NPL: variants seen among roughly 807,000 people sequenced by gnomAD.
The protein encoded by NPL is N-acetylneuraminate lyase.
NPL carries 32 observed loss-of-function variants against 41.1 expected under a neutral mutation model. The observed-to-expected ratio is 0.78, with a 90% CI of 0.59 to 1.05. The LOEUF (loss-of-function observed/expected upper bound fraction) is 1.05, where lower values mean the gene tolerates loss of function less well. NPL is among the 50% of genes least tolerant of loss of function. The pLI, the probability that NPL is intolerant of heterozygous loss-of-function variation, is 0.00. For synonymous variants in NPL, 128 were observed against 134.9 expected, an observed-to-expected ratio of 0.95 and a Z score of 0.35; for missense variants, 321 against 378.4, an observed-to-expected ratio of 0.85 and a Z score of 1.26.
chr1:182,792,776 G>A (rs1322669628), intron 2 of NPL, among the ~76,000 whole-genome samples: 1 of 152,216 alleles, frequency 6.6e-6, no homozygotes, highest in African/African-American at 2.4e-5. Flanking sequence ...GTATCGTGTT[G>A]TCTTTCTACT....
chr1:182,825,653 A>G, intron 11 of NPL, 128 bp from the exon 12 acceptor site: 1 of 710,676 alleles, frequency 1.4e-6, no homozygotes, highest in Non-Finnish European at 2.5e-6. Context: ...ATTTTTCTCC[A>G]CTCTGACAGA....
At chr1:182,810,395 C>T (rs1667141914) in intron 5 of NPL, among the ~76,000 whole-genome samples, 2 of 152,150 alleles carry the variant, frequency 1.3e-5, no homozygotes, top group South Asian at 4.2e-4. Flanking sequence ...AGGACTAGTT[C>T]CTGGTTTTAC....
chr1:182,806,247 G>A lies in NPL; in HGVS notation c.230+15G>A, dbSNP rs1667005541. 1.9e-6 allele frequency: 3 copies of A among 1,614,076 alleles called. No individual in the cohort carries two copies. Among genetic ancestry groups the A allele is most frequent in the South Asian group, 1.1e-5 (1 of 91,082 alleles). ...GGGAAGGACAAGTGAGTGGCTGCAT[G>A]AGGATAAAAATGCCCTTTGGCAACA... On this transcript the variant is annotated intron_variant, in intron 5 of 12. Coordinates refer to ENST00000367553, the MANE Select transcript of NPL (RefSeq NM_030769.3).
At chr1:182,799,732 CAAAAAAAA>C (rs556336661) in intron 3 of NPL, among the ~76,000 whole-genome samples, 1 of 61,216 alleles carries the variant, frequency 1.6e-5, no homozygotes, top group Non-Finnish European at 3.6e-5. Context: ...ACCCTGTCTC[CAAAAAAAA>C]AAAAAAAAAA....
chr1:182,794,365 C>A lies in NPL; in HGVS notation c.-7C>A, dbSNP rs754841180. ...ATTGTATGTTTTCCAGACCTACCAGCAGCTCAATGGCCTTCCCAAAGAAGA... is the reference window on the plus strand; with the variant it reads ...ATTGTATGTTTTCCAGACCTACCAGAAGCTCAATGGCCTTCCCAAAGAAGA... On this transcript the variant is annotated 5_prime_UTR_variant, in exon 3 of 13. Coordinates refer to ENST00000367553, the MANE Select transcript of NPL (RefSeq NM_030769.3). The A allele has an allele frequency of 6.2e-7, 1 of 1,613,940 alleles. No homozygotes were observed. The highest frequency in any genetic ancestry group is 1.7e-5 in the Admixed American group (1 of 60,028).
chr1:182,817,178 A>C (rs1240979392), intron 8 of NPL, among the ~76,000 whole-genome samples: 1 of 152,170 alleles, frequency 6.6e-6, no homozygotes, highest in Non-Finnish European at 1.5e-5. Context: ...AGCACATAGG[A>C]AAGTCCTCTG....
intron 11 of NPL, 130 bp downstream of exon 11, chr1:182,822,329 G>T: frequency 1.4e-6 from 1 of 713,838 alleles, no homozygotes. Context: ...CCTTTCTTCT[G>T]TTTTGTACTT....
chr1:182,790,349 G>T (rs1666466738), intron 1 of NPL, among the ~76,000 whole-genome samples: 1 of 152,178 alleles, frequency 6.6e-6, no homozygotes, highest in Non-Finnish European at 1.5e-5. Flanking sequence ...ATCTGTGGAT[G>T]GAGGTATAAG....
At chr1:182,816,433 T>C (rs1410052132) in intron 7 of NPL, among the ~76,000 whole-genome samples, 1 of 152,216 alleles carries the variant, frequency 6.6e-6, no homozygotes, top group African/African-American at 2.4e-5. Flanking sequence ...TTCATGATCA[T>C]CTCTTAATAT....
At chr1:182,799,302 A>G (rs1415497386) in intron 3 of NPL, among the ~76,000 whole-genome samples, 2 of 152,238 alleles carry the variant, frequency 1.3e-5, no homozygotes, top group Non-Finnish European at 2.9e-5. Flanking sequence ...AGAAAAAGGA[A>G]TTAGAACAGA....
chr1:182,815,936 A>G (rs766781856), intron 7 of NPL, among the ~76,000 whole-genome samples: 7 of 152,314 alleles, frequency 4.6e-5, no homozygotes, highest in African/African-American at 7.2e-5. Flanking sequence ...TGGCTTTACA[A>G]ATTTTTACGT....
In NPL at chr1:182,806,307, G is replaced by A. The variant is rs1271810806; in HGVS notation, c.230+75G>A. 2.5e-5 allele frequency: 40 copies of A among 1,595,522 alleles called. No homozygotes were observed. In the South Asian group the frequency reaches 2.9e-4, roughly 12 times the overall value. On this transcript the variant is annotated intron_variant, in intron 5 of 12. Coordinates refer to ENST00000367553, the MANE Select transcript of NPL (RefSeq NM_030769.3). Reference sequence around the variant, plus strand: ...AGTGAGCCTCTTCCCCAGAGGATACGCCCTCCCTGCTTCCTGGTCAGAGCC... The same window carrying A: ...AGTGAGCCTCTTCCCCAGAGGATACACCCTCCCTGCTTCCTGGTCAGAGCC...
chr1:182,794,543 C>T (rs566144999), intron 3 of NPL, 104 bp downstream of exon 3: 104 of 1,182,222 alleles, frequency 8.8e-5, no homozygotes, highest in East Asian at 8.2e-4. Context: ...CTCTGTAGAA[C>T]TGTTGCCAAA....
chr1:182,804,365 T>C (rs139921415), intron 4 of NPL, among the ~76,000 whole-genome samples: 5,032 of 152,222 alleles, frequency 0.033, 264 homozygotes, highest in African/African-American at 0.12. Context: ...TGACCTCAGG[T>C]GATCTGCCTG....
intron 3 of NPL, among the ~76,000 whole-genome samples, chr1:182,802,169 C>T (rs893179485): frequency 2.0e-5 from 3 of 152,346 alleles, no homozygotes; most frequent in Middle Eastern, 3.4e-3. Context: ...TGGGCTGTTC[C>T]AGGTGCAGAC....
At position 182,803,824 on chromosome 1, in the gene NPL, G is replaced by A. The variant is rs374049532; in HGVS notation, c.142+53G>A. On this transcript the variant is annotated intron_variant, in intron 4 of 12. Transcript: ENST00000367553. ...ATGTCTCCAGCTCAGTCTTTAGAAG[G>A]TATATCTTACCTGGTTACCAGCCAA... 1.4e-5 allele frequency: 18 copies of A among 1,268,638 alleles called. No homozygotes were observed. The East Asian group carries it at 4.2e-4, about 29-fold the overall frequency. The allele number at this position is 1,268,638 out of a possible 1,614,324, so 78.6% of individuals were successfully genotyped here.
intron 3 of NPL, among the ~76,000 whole-genome samples, chr1:182,795,445 T>C (rs1304210182): frequency 6.6e-6 from 1 of 152,234 alleles, no homozygotes; most frequent in Admixed American, 6.5e-5. Context: ...GTACACCTTT[T>C]ACAAGGGACT....
At chr1:182,820,503 C>T (rs756493619) in intron 10 of NPL, among the ~76,000 whole-genome samples, 13 of 152,190 alleles carry the variant, frequency 8.5e-5, no homozygotes, top group Non-Finnish European at 1.8e-4. Context: ...TGTATTAATT[C>T]ATTCTCACAT....
chr1:182,790,812 T>C (rs1486364242), intron 1 of NPL, among the ~76,000 whole-genome samples: 1 of 152,036 alleles, frequency 6.6e-6, no homozygotes, highest in Non-Finnish European at 1.5e-5. Context: ...CCCGGCTAAT[T>C]TTGTATTTTT....
Sources: allele counts gnomAD v4.1 joint callset (sites outside exome capture counted in the v4.1 genomes callset), GRCh38; gene constraint gnomAD v4.1.1; transcripts MANE v1.5; gene names NCBI Gene and HGNC (gene_info 2026-07-23, HGNC 2026-07-21).